The following PCLO variants were observed in gnomAD, a reference collection of about 807,000 sequenced individuals.
PCLO encodes the protein protein piccolo.
In PCLO, 82 loss-of-function variants were observed where a neutral mutation model predicts 427.5. The observed-to-expected ratio is 0.19, with a 90% CI of 0.16 to 0.23. The LOEUF is 0.23. PCLO is among the 10% of genes least tolerant of loss of function. PCLO has a pLI of 1.00. For missense variants in PCLO, 6,239 were observed against 6,115.9 expected, an observed-to-expected ratio of 1.02 and a Z score of -0.67; for synonymous variants, 2,357 against 2,155.4, an observed-to-expected ratio of 1.09 and a Z score of -2.59.
At chr7:83,114,176 T>C (rs1344545925) in intron 3 of PCLO, among the ~76,000 whole-genome samples, 1 of 152,086 alleles carries the variant, frequency 6.6e-6, no homozygotes, top group Non-Finnish European at 1.5e-5. Flanking sequence ...AAACATGTAT[T>C]GATTACCTAC....
rs1335372405 is a variant in PCLO, at chr7:83,162,326, T to C, written c.248+19A>G. ...AGCTGTACATATATGCCCGGACATA[T>C]ACATCATGCTGTGCATGCCTGTGCA... On this transcript the variant is annotated intron_variant, in intron 1 of 24. Coordinates refer to ENST00000333891, the MANE Select transcript of PCLO (RefSeq NM_033026.6). The C allele has an allele frequency of 3.8e-6, 6 of 1,587,382 alleles. No individual in the cohort carries two copies. The East Asian group carries it at 6.8e-5, about 18-fold the overall frequency.
chr7:82,901,072 G>A (rs7782903), intron 9 of PCLO, among the ~76,000 whole-genome samples: 2,192 of 151,832 alleles, frequency 0.014, 57 homozygotes, highest in African/African-American at 0.05. Flanking sequence ...TACAACCAGT[G>A]ACTGTATTTC....
intron 7 of PCLO, among the ~76,000 whole-genome samples, chr7:82,914,073 A>G (rs1794386254): frequency 6.6e-6 from 1 of 152,072 alleles, no homozygotes. Context: ...TGTAAATAAT[A>G]GTATTCATAA....
chr7:82,905,226 C>T (rs1216392384), intron 8 of PCLO, among the ~76,000 whole-genome samples: 1 of 152,024 alleles, frequency 6.6e-6, no homozygotes. Flanking sequence ...AGAAAGAGGG[C>T]TGTTCTTTCC....
chr7:82,862,781 A>C (rs1413295101), intron 10 of PCLO, among the ~76,000 whole-genome samples: 1 of 151,972 alleles, frequency 6.6e-6, no homozygotes, highest in Non-Finnish European at 1.5e-5. Flanking sequence ...GTTCTCGATT[A>C]TTTGTGGGAT....
chr7:82,837,313 G>A (rs1792254563), intron 15 of PCLO, among the ~76,000 whole-genome samples: 1 of 151,910 alleles, frequency 6.6e-6, no homozygotes. Flanking sequence ...TTCTACTTGT[G>A]TACCACAATG....
chr7:83,017,137 T>A (rs1178746180), intron 3 of PCLO, among the ~76,000 whole-genome samples: 2 of 152,098 alleles, frequency 1.3e-5, no homozygotes, highest in African/African-American at 4.8e-5. Flanking sequence ...TTGAAGATGA[T>A]TTGGCAGTTT....
intron 3 of PCLO, among the ~76,000 whole-genome samples, chr7:83,027,612 C>T (rs910738957): frequency 4.7e-5 from 7 of 148,494 alleles, no homozygotes; most frequent in African/African-American, 1.7e-4. Context: ...TTTATGAGGC[C>T]AGCATCATCC....
chr7:83,051,404 A>G (rs1476758087), intron 3 of PCLO, among the ~76,000 whole-genome samples: 1 of 152,156 alleles, frequency 6.6e-6, no homozygotes, highest in Admixed American at 6.6e-5. Context: ...GTCTTTCTAT[A>G]TACCAGCATG....
chr7:82,799,123 T>C (rs1766692490), intron 22 of PCLO, among the ~76,000 whole-genome samples: 2 of 152,230 alleles, frequency 1.3e-5, no homozygotes, highest in African/African-American at 4.8e-5. Flanking sequence ...ATTTTATTTA[T>C]AAACTTTAGG....
chr7:83,152,783 T>C (rs1437813208), intron 2 of PCLO, among the ~76,000 whole-genome samples: 1 of 152,224 alleles, frequency 6.6e-6, no homozygotes, highest in Non-Finnish European at 1.5e-5. Context: ...CCATATTTAT[T>C]CATATCTCTC....
chr7:83,103,035 T>C (rs1044730549), intron 3 of PCLO, among the ~76,000 whole-genome samples: 1 of 99,904 alleles, frequency 1.0e-5, no homozygotes, highest in Non-Finnish European at 2.1e-5. Context: ...ATCACTATAA[T>C]ATTGATTGGC....
At chr7:83,082,972 T>C (rs1024783865) in intron 3 of PCLO, among the ~76,000 whole-genome samples, 1 of 151,766 alleles carries the variant, frequency 6.6e-6, no homozygotes, top group Non-Finnish European at 1.5e-5. Context: ...TCAAAAAGAT[T>C]GATGCATTTT....
chr7:82,954,302 T>A lies in PCLO; in HGVS notation c.6651A>T (p.Ile2217=). The part of the protein sequence containing the change: ...TTVYTEPVDM[I]TKFEDSEEIS... ...TTTCCTCAGAATCTTCAAATTTAGT[T>A]ATCATGTCCACTGGCTCTGTATAAA... is the stretch of plus-strand genomic sequence containing the variant. The change falls in exon 5 of 25, where the codon ATA becomes ATT. Residue 2217 remains isoleucine, a synonymous_variant. Coordinates refer to ENST00000333891, the MANE Select transcript of PCLO (RefSeq NM_033026.6). The A allele has an allele frequency of 1.2e-6, 2 of 1,613,728 alleles. No homozygotes were observed. Among genetic ancestry groups the A allele is most frequent in the Middle Eastern group, 3.3e-4 (2 of 6,062 alleles).
intron 2 of PCLO, among the ~76,000 whole-genome samples, chr7:83,138,309 T>C (rs920908177): frequency 3.9e-5 from 6 of 152,212 alleles, no homozygotes; most frequent in African/African-American, 1.2e-4. Flanking sequence ...AATAAAAAAT[T>C]CTTTTATGCA....
At chr7:83,083,140 A>G (rs1440454337) in intron 3 of PCLO, among the ~76,000 whole-genome samples, 1 of 151,974 alleles carries the variant, frequency 6.6e-6, no homozygotes, top group African/African-American at 2.4e-5. Context: ...GTCACTGTCA[A>G]AAATGTTAGA....
At chr7:82,992,366 A>T (rs1203193789) in intron 3 of PCLO, among the ~76,000 whole-genome samples, 1 of 152,132 alleles carries the variant, frequency 6.6e-6, no homozygotes, top group Non-Finnish European at 1.5e-5. Flanking sequence ...ATATCAAACA[A>T]AACAGTCATT....
At chr7:82,999,044 T>C (rs1231159134) in intron 3 of PCLO, among the ~76,000 whole-genome samples, 3 of 150,506 alleles carry the variant, frequency 2.0e-5, no homozygotes, top group African/African-American at 4.9e-5. Context: ...AAATGAAAGA[T>C]GCCTTTGATA....
chr7:82,774,137 C>A (rs977216430), intron 22 of PCLO, among the ~76,000 whole-genome samples: 3 of 152,174 alleles, frequency 2.0e-5, no homozygotes, highest in Admixed American at 2.0e-4. Flanking sequence ...CTTTCTCCTT[C>A]TTCCCTTTGT....
Sources: gnomAD v4.1 joint callset for allele counts (sites outside exome capture counted in the v4.1 genomes callset) on GRCh38, gnomAD v4.1.1 for gene constraint, MANE v1.5 for transcripts, NCBI Gene and HGNC (gene_info 2026-07-23, HGNC 2026-07-21) for gene names.